MTUS2: variants seen among roughly 807,000 people sequenced by gnomAD.
MTUS2 encodes microtubule-associated tumor suppressor candidate 2.
Under a neutral mutation model 114.1 loss-of-function variants are expected in MTUS2, and 40 were observed. The ratio of observed to expected loss-of-function variants is 0.35; its 90% CI spans 0.27 to 0.46. MTUS2 has a LOEUF of 0.46. Among genes scored for constraint, MTUS2 ranks in the 20% least tolerant of loss-of-function variants. The pLI, the probability that MTUS2 is intolerant of heterozygous loss-of-function variation, is 1.00. For synonymous variants in MTUS2, 688 were observed against 672.0 expected (o/e 1.02, Z -0.37); for missense variants, 1,679 against 1,705.4 (o/e 0.98, Z 0.27).
intron 2 of MTUS2, among the ~76,000 whole-genome samples, chr13:28,940,305 A>G (rs1332212487): frequency 6.6e-6 from 1 of 152,218 alleles, no homozygotes; most frequent in East Asian, 1.9e-4. Context: ...TTAGGTACTG[A>G]TACATGCTAC....
At chr13:29,473,647 C>A (rs1429405974) in intron 9 of MTUS2, among the ~76,000 whole-genome samples, 2 of 152,092 alleles carry the variant, frequency 1.3e-5, no homozygotes, top group Admixed American at 1.3e-4. Flanking sequence ...GTGTATTATT[C>A]ATTGTCAATA....
chr13:29,432,803 A>G (rs1412553315), intron 8 of MTUS2, among the ~76,000 whole-genome samples: 1 of 152,166 alleles, frequency 6.6e-6, no homozygotes, highest in Non-Finnish European at 1.5e-5. Context: ...TAATTTGCAT[A>G]TCTCTACCCT....
At position 29,503,274 on chromosome 13, in the gene MTUS2, C is replaced by T. The variant is rs1210968088; in HGVS notation, c.*68C>T. ...GGTCTCCACCCTGAGGGAGCACCGA[C>T]CCGGTGCCGCCGGAGCTGGCCCTGT... On this transcript the variant is annotated 3_prime_UTR_variant, in exon 16 of 16. Transcript: ENST00000612955. The T allele has an allele frequency of 5.1e-6, 8 of 1,556,674 alleles. No individual in the cohort carries two copies. The highest frequency in any genetic ancestry group is 8.8e-7 in the Non-Finnish European group (1 of 1,140,096).
chr13:29,047,067 C>T (rs780173565), intron 4 of MTUS2, among the ~76,000 whole-genome samples: 24 of 152,274 alleles, frequency 1.6e-4, no homozygotes, highest in South Asian at 4.1e-4. Flanking sequence ...CACCCCTCTG[C>T]GCAGAAGTAA....
At position 29,050,160 on chromosome 13, in the gene MTUS2, C is replaced by T. The variant is rs116339685; in HGVS notation, c.2446+16035C>T. On this transcript the variant is annotated intron_variant, in intron 4 of 15. Coordinates refer to ENST00000612955, the MANE Select transcript of MTUS2 (RefSeq NM_001033602.4). The stretch of plus-strand genomic sequence containing the variant: ...GGCCCCAGATTCAAGAGCCTGGGTC[C>T]CTAGGAAACCCAAAAAGTGTTTTCT... 2.7e-3 allele frequency among the ~76,000 whole-genome samples: 417 copies of T among 152,250 alleles called. 2 individuals are homozygous for T. The highest frequency in any genetic ancestry group is 9.4e-3 in the African/African-American group (391 of 41,530).
chr13:28,837,590 T>G (rs1309328481), intron 1 of MTUS2, among the ~76,000 whole-genome samples: 3 of 152,186 alleles, frequency 2.0e-5, no homozygotes, highest in African/African-American at 7.2e-5. Context: ...CTTTAGCCAG[T>G]ACTCCTTAAT....
At chr13:29,316,148 A>G (rs572322217) in intron 6 of MTUS2, among the ~76,000 whole-genome samples, 169 of 152,244 alleles carry the variant, frequency 1.1e-3, no homozygotes, top group African/African-American at 3.8e-3. Flanking sequence ...GAACCTTGGA[A>G]CCTCAAAGGA....
chr13:29,329,346 T>C (rs577062333), intron 7 of MTUS2, among the ~76,000 whole-genome samples: 10 of 151,174 alleles, frequency 6.6e-5, no homozygotes, highest in Admixed American at 5.9e-4. Context: ...TGTGTCCATA[T>C]GTTCTTGTTA....
intron 5 of MTUS2, among the ~76,000 whole-genome samples, chr13:29,224,377 T>G (rs567434073): frequency 6.6e-6 from 1 of 152,284 alleles, no homozygotes; most frequent in South Asian, 2.1e-4. Context: ...TACGCTTTAT[T>G]TATTTTCCAT....
intron 5 of MTUS2, among the ~76,000 whole-genome samples, chr13:29,275,869 T>G (rs1250202692): frequency 1.3e-5 from 2 of 152,204 alleles, no homozygotes; most frequent in Admixed American, 6.5e-5. Context: ...TGATTTCTTT[T>G]CTTTTGGGTA....
intron 5 of MTUS2, among the ~76,000 whole-genome samples, chr13:29,167,216 A>C (rs1191590609): frequency 6.6e-6 from 1 of 152,138 alleles, no homozygotes; most frequent in Non-Finnish European, 1.5e-5. Context: ...CTACTAAAAA[A>C]TACAAAAAAT....
At chr13:29,459,928 C>T (rs1879366580) in intron 9 of MTUS2, among the ~76,000 whole-genome samples, 1 of 152,174 alleles carries the variant, frequency 6.6e-6, no homozygotes, top group African/African-American at 2.4e-5. Flanking sequence ...CTTCACTCCA[C>T]CAACCTCCCC....
intron 2 of MTUS2, among the ~76,000 whole-genome samples, chr13:28,872,974 T>G: frequency 6.6e-6 from 1 of 152,112 alleles, no homozygotes; most frequent in Non-Finnish European, 1.5e-5. Flanking sequence ...AGACTAACAG[T>G]AAATCTGACA....
intron 8 of MTUS2, among the ~76,000 whole-genome samples, chr13:29,414,530 G>A (rs1286272018): frequency 6.8e-6 from 1 of 148,028 alleles, no homozygotes; most frequent in Non-Finnish European, 1.5e-5. Context: ...TTTTTTGTAT[G>A]CAATAGTTGT....
intron 9 of MTUS2, among the ~76,000 whole-genome samples, chr13:29,468,920 TCAGGGGCC>T (rs1880074793): frequency 6.6e-6 from 1 of 152,200 alleles, no homozygotes; most frequent in African/African-American, 2.4e-5. Context: ...GCTTATCTCT[TCAGGGGCC>T]CATTTTGGAA....
intron 11 of MTUS2, among the ~76,000 whole-genome samples, chr13:29,491,621 G>A (rs1184484426): frequency 6.7e-6 from 1 of 149,538 alleles, no homozygotes; most frequent in Non-Finnish European, 1.5e-5. Flanking sequence ...TATAGTGTGT[G>A]TATGTGATTA....
chr13:29,009,321 T>A (rs1885737470), intron 2 of MTUS2, among the ~76,000 whole-genome samples: 1 of 151,500 alleles, frequency 6.6e-6, no homozygotes, highest in East Asian at 1.9e-4. Flanking sequence ...TGTGACAATA[T>A]GGATGAACCT....
intron 8 of MTUS2, among the ~76,000 whole-genome samples, chr13:29,372,711 C>G (rs1871292804): frequency 6.6e-6 from 1 of 152,140 alleles, no homozygotes; most frequent in Non-Finnish European, 1.5e-5. Context: ...TTTATATGAT[C>G]TGGATTTTTT....
chr13:29,024,985 A>C lies in MTUS2; in HGVS notation c.287A>C (p.Lys96Thr). The change falls in exon 3 of 16, where the codon AAA becomes ACA. Residue 96 changes from lysine to threonine, a missense_variant. Lys to Thr is a moderately conservative substitution (Grantham distance 78). This residue lies in a region of MTUS2 where 843 missense variants were observed against 770.8 expected (regional missense o/e 1.09). Transcript: ENST00000612955. ...KGSQAGSASL[K>T]DFRLSSTIQR... ...TCTCAGGCTGGCTCTGCCAGCCTGA[A>C]AGATTTTAGACTTTCTTCAACCATT... The C allele has an allele frequency of 6.2e-7, 1 of 1,613,190 alleles. No homozygotes were observed. Among genetic ancestry groups the C allele is most frequent in the Non-Finnish European group, 8.5e-7 (1 of 1,179,722 alleles).
Sources: allele counts gnomAD v4.1 joint callset (sites outside exome capture counted in the v4.1 genomes callset), GRCh38; gene constraint gnomAD v4.1.1; regional missense constraint gnomAD v4.1.1; transcripts MANE v1.5; gene names NCBI Gene and HGNC (gene_info 2026-07-23, HGNC 2026-07-21).